PHF19: variants seen among roughly 807,000 people sequenced by gnomAD.
PHF19 encodes polycomb like 3.
PHF19 carries 21 observed loss-of-function variants against 79.8 expected under a neutral mutation model. That is an observed-to-expected ratio of 0.26 (90% CI 0.19 to 0.38). The LOEUF (loss-of-function observed/expected upper bound fraction) is 0.38. Ranked by LOEUF, PHF19 falls within the 10% of genes least tolerant of loss-of-function variation. The pLI is 1.00. For synonymous variants in PHF19, 273 were observed against 296.3 expected, an observed-to-expected ratio of 0.92 and a Z score of 0.81; for missense variants, 445 against 744.2, an observed-to-expected ratio of 0.60 and a Z score of 4.68.
Position 120,866,781 on chromosome 9 carries a change from C to G in PHF19, c.710+89G>C. Reference sequence around the variant, plus strand: ...GTCACAGACCTCCTCTTGTCTGGAGCCTGGCAGTCAACCTGCAGGAGTTGT... The same window carrying G: ...GTCACAGACCTCCTCTTGTCTGGAGGCTGGCAGTCAACCTGCAGGAGTTGT... On this transcript the variant is annotated intron_variant, in intron 7 of 14. Coordinates refer to ENST00000373896, the MANE Select transcript of PHF19 (RefSeq NM_015651.3). The surrounding 1 kb of genome is among the most constrained non-coding windows in gnomAD (Gnocchi z 5.2). 1.3e-6 allele frequency: 1 copy of G among 755,134 alleles called. No individual in the cohort carries two copies. The highest frequency in any genetic ancestry group is 2.4e-6 in the Non-Finnish European group (1 of 410,104). 46.8% of individuals were successfully genotyped at this position (755,134 alleles called of 1,614,324 possible). A position where few individuals can be genotyped will look rare whatever the true frequency, so the allele number is the denominator to read the frequency against.
chr9:120,892,602 G>C (rs2046356834), intron 1 of PHF19, among the ~76,000 whole-genome samples: 1 of 152,146 alleles, frequency 6.6e-6, no homozygotes, highest in African/African-American at 2.4e-5. Context: ...GCAATTTGTG[G>C]CCTGTCCCCA....
upstream of PHF19, among the ~76,000 whole-genome samples, chr9:120,898,221 A>T (rs974374813): frequency 1.3e-5 from 2 of 152,112 alleles, no homozygotes; most frequent in Non-Finnish European, 2.9e-5. Flanking sequence ...GGTTCAAGCG[A>T]TTCTCCTGCC....
At chr9:120,888,467 T>C (rs1273022718) in intron 1 of PHF19, among the ~76,000 whole-genome samples, 1 of 152,234 alleles carries the variant, frequency 6.6e-6, no homozygotes, top group Non-Finnish European at 1.5e-5. Flanking sequence ...TCTGCTGTGA[T>C]AATTCTCAGG....
chr9:120,869,519 C>T lies in PHF19; in HGVS notation c.466-189G>A. 2 of 1,383,426 alleles carry T rather than the reference C, an allele frequency of 1.4e-6. No individual in the cohort carries two copies. The highest frequency in any genetic ancestry group is 9.5e-7 in the Non-Finnish European group (1 of 1,048,312). The allele number at this position is 1,383,426 out of a possible 1,614,324, so 85.7% of individuals were successfully genotyped here. On this transcript the variant is annotated intron_variant, in intron 5 of 14. Coordinates refer to ENST00000373896, the MANE Select transcript of PHF19 (RefSeq NM_015651.3). This position sits in a 1 kb window ranked among gnomAD's most constrained non-coding sequence, Gnocchi z 5.8. ...ATCCCCTCTATCCCAGAAGGAACTCCGTTGATAACAGAATTAAGAGTAATA... is the reference window on the plus strand; with the variant it reads ...ATCCCCTCTATCCCAGAAGGAACTCTGTTGATAACAGAATTAAGAGTAATA...
intron 3 of PHF19, among the ~76,000 whole-genome samples, chr9:120,872,037 C>CAAAAAAAAAGAAAAAAAAAAAAAAAAAA (rs2045912428): frequency 9.9e-5 from 3 of 30,324 alleles, no homozygotes; most frequent in African/African-American, 2.7e-4. Context: ...GACTCTGTCT[C>CAAAAAAAAAGAAAAAAAAAAAAAAAAAA]AAAAAAAAAA....
intron 3 of PHF19, among the ~76,000 whole-genome samples, chr9:120,872,037 C>CAAAAAAAAAGAAAGAAAAA (rs2045912428): frequency 3.3e-5 from 1 of 30,322 alleles, no homozygotes; most frequent in Non-Finnish European, 5.5e-5. Flanking sequence ...GACTCTGTCT[C>CAAAAAAAAAGAAAGAAAAA]AAAAAAAAAA....
At chr9:120,876,436 G>GGCCCCCGGGTGGCGCCCCCCCA (rs1658124232) in intron 1 of PHF19, 1 of 151,908 alleles carries the variant, frequency 6.6e-6, no homozygotes, top group African/African-American at 2.4e-5. Flanking sequence ...GCCGGGCGGG[G>GGCCCCCGGGTGGCGCCCCCCCA]GCCCCCGGGT....
At chr9:120,858,481 C>T (rs11793715) in intron 14 of PHF19, among the ~76,000 whole-genome samples, 195 bp from the exon 15 acceptor site, 1 of 152,104 alleles carries the variant, frequency 6.6e-6, no homozygotes, top group Non-Finnish European at 1.5e-5. Context: ...ATGCCTTGGG[C>T]ATAGATTATC....
At chr9:120,880,381 G>A (rs563781842), upstream of PHF19, among the ~76,000 whole-genome samples, 1 of 152,322 alleles carries the variant, frequency 6.6e-6, no homozygotes, top group South Asian at 2.1e-4. Flanking sequence ...TGTAGTCCCA[G>A]CTACTTGGGA....
chr9:120,885,644 A>G (rs1379060566), intron 1 of PHF19, among the ~76,000 whole-genome samples: 2 of 151,758 alleles, frequency 1.3e-5, no homozygotes, highest in African/African-American at 2.4e-5. Flanking sequence ...GACGCATTCA[A>G]GATGAAGTAG....
chr9:120,867,712 T>C (rs1182093642), intron 6 of PHF19, among the ~76,000 whole-genome samples: 1 of 152,236 alleles, frequency 6.6e-6, no homozygotes, highest in African/African-American at 2.4e-5. Flanking sequence ...GGGAAGCTCA[T>C]GGGCCTGAAG....
Position 120,856,629 on chromosome 9 carries a change from G to A in PHF19, c.*1315C>T, listed in dbSNP as rs1367754509. ...TTTCCCTCCAGATGAGGCAGAATTT[G>A]AATGTTGGTTCCAAAAATTCTCTTT... On this transcript the variant is annotated 3_prime_UTR_variant, in exon 15 of 15. Coordinates refer to ENST00000373896, the MANE Select transcript of PHF19 (RefSeq NM_015651.3). 1.3e-5 allele frequency: 2 copies of A among 152,444 alleles called. No homozygotes were observed. Among genetic ancestry groups the A allele is most frequent in the African/African-American group, 4.8e-5 (2 of 41,472 alleles). 9.4% of individuals were successfully genotyped at this position (152,444 alleles called of 1,614,324 possible).
chr9:120,878,465 A>AC (rs998839296), upstream of PHF19, among the ~76,000 whole-genome samples: 2 of 151,480 alleles, frequency 1.3e-5, no homozygotes, highest in Non-Finnish European at 2.9e-5. Flanking sequence ...CTCTGCAGAC[A>AC]CCCCCACCAG....
intron 1 of PHF19, among the ~76,000 whole-genome samples, chr9:120,886,795 G>T (rs1019758051): frequency 6.6e-6 from 1 of 152,148 alleles, no homozygotes; most frequent in African/African-American, 2.4e-5. Flanking sequence ...ATCAATCTAG[G>T]TGTCGCTGTC....
intron 12 of PHF19, 147 bp downstream of exon 12, chr9:120,861,771 G>A (rs2045534118): frequency 2.8e-6 from 2 of 707,774 alleles, no homozygotes; most frequent in Admixed American, 2.0e-5. Context: ...GTCTTAGAGT[G>A]CCTGGCTTAG....
chr9:120,901,195 C>CTTTT, the PHF19 span, among the ~76,000 whole-genome samples: 2 of 150,360 alleles, frequency 1.3e-5, no homozygotes, highest in Non-Finnish European at 3.0e-5. Flanking sequence ...TACCTGATTT[C>CTTTT]TTTTTTTTGT....
intron 3 of PHF19, among the ~76,000 whole-genome samples, chr9:120,873,130 G>A (rs2045953161): frequency 6.6e-6 from 1 of 152,182 alleles, no homozygotes; most frequent in Non-Finnish European, 1.5e-5. Flanking sequence ...TTGGTCCAAG[G>A]TCTACCTGAC....
chr9:120,860,279 C>T lies in PHF19; in HGVS notation c.1305-94G>A. 1 of 703,208 alleles carries T rather than the reference C, an allele frequency of 1.4e-6. No homozygotes were observed. Among genetic ancestry groups the T allele is most frequent in the Non-Finnish European group, 2.6e-6 (1 of 384,626 alleles). The allele number at this position is 703,208 out of a possible 1,614,324, so 43.6% of individuals were successfully genotyped here. On this transcript the variant is annotated intron_variant, in intron 13 of 14. Transcript: ENST00000373896. This position sits in a 1 kb window ranked among gnomAD's most constrained non-coding sequence, Gnocchi z 4.1. ...GGTTCCCCTAACATGCATCCTTCAT[C>T]CCAGTGGAGGCCCGTCTTCCCACAG... is the stretch of plus-strand genomic sequence containing the variant.
rs543566408 is a variant in PHF19 at position 120,864,852 on chromosome 9, G to A, written c.901-736C>T. 1.7e-3 allele frequency among the ~76,000 whole-genome samples: 266 copies of A among 152,178 alleles called. 2 individuals are homozygous for A. Among genetic ancestry groups the A allele is most frequent in the African/African-American group, 6.1e-3 (253 of 41,532 alleles). On this transcript the variant is annotated intron_variant, in intron 9 of 14. Coordinates refer to ENST00000373896, the MANE Select transcript of PHF19 (RefSeq NM_015651.3). Reference sequence around the variant, plus strand: ...GGAAAGGAAATGTACCCATGCATTAGTTCTAGTGATTTCTGGGTGGCGTGA... The same window carrying A: ...GGAAAGGAAATGTACCCATGCATTAATTCTAGTGATTTCTGGGTGGCGTGA...
Sources: allele counts gnomAD v4.1 joint callset (sites outside exome capture counted in the v4.1 genomes callset), GRCh38; gene constraint gnomAD v4.1.1; non-coding constraint Gnocchi (gnomAD v3.1); transcripts MANE v1.5; gene names NCBI Gene and HGNC (gene_info 2026-07-23, HGNC 2026-07-21).